ITGA9: variants seen among roughly 807,000 people sequenced by gnomAD.
ITGA9 encodes the protein integrin subunit alpha 9, also known as integrin alpha-9.
Under a neutral mutation model 127.8 loss-of-function variants are expected in ITGA9, and 56 were observed. The observed-to-expected ratio is 0.44, with a 90% CI of 0.35 to 0.55. The LOEUF is 0.55. ITGA9 is among the 20% of genes least tolerant of loss of function. The pLI, the probability that ITGA9 is intolerant of heterozygous loss-of-function variation, is 0.00. For synonymous variants in ITGA9, 508 were observed against 514.5 expected (o/e 0.99, Z 0.17); for missense variants, 1,196 against 1,347.1 (o/e 0.89, Z 1.76).
chr3:37,549,028 C>T (rs1699354524), intron 15 of ITGA9, among the ~76,000 whole-genome samples: 1 of 152,236 alleles, frequency 6.6e-6, no homozygotes, highest in South Asian at 2.1e-4. Flanking sequence ...ATATGCTCTG[C>T]TCACACAGAT....
chr3:37,616,981 A>G (rs1419113278), intron 15 of ITGA9, among the ~76,000 whole-genome samples: 2 of 152,176 alleles, frequency 1.3e-5, no homozygotes, highest in Non-Finnish European at 2.9e-5. Context: ...TAATATTGTT[A>G]TGTGTGAATT....
At chr3:37,598,005 A>T (rs1301389083) in intron 15 of ITGA9, among the ~76,000 whole-genome samples, 2 of 152,234 alleles carry the variant, frequency 1.3e-5, no homozygotes, top group Non-Finnish European at 2.9e-5. Context: ...ACAGAGGCAG[A>T]TGTAGATTTG....
chr3:37,705,608 G>T (rs1203272957), intron 18 of ITGA9, among the ~76,000 whole-genome samples: 3 of 152,186 alleles, frequency 2.0e-5, no homozygotes, highest in Non-Finnish European at 2.9e-5. Context: ...TCAGCTCGGG[G>T]TTACCACGTG....
At chr3:37,649,078 T>C (rs1575179991) in intron 16 of ITGA9, among the ~76,000 whole-genome samples, 1 of 125,706 alleles carries the variant, frequency 8.0e-6, no homozygotes. Context: ...ATGGAAGTTA[T>C]ATATATAAAA....
intron 20 of ITGA9, among the ~76,000 whole-genome samples, chr3:37,738,945 C>T (rs763054796): frequency 6.6e-6 from 1 of 152,208 alleles, no homozygotes; most frequent in Non-Finnish European, 1.5e-5. Context: ...ATATTAGAAT[C>T]GCCTGGGGAG....
intron 15 of ITGA9, among the ~76,000 whole-genome samples, chr3:37,571,215 G>T (rs538625279): frequency 6.8e-6 from 1 of 146,288 alleles, no homozygotes; most frequent in South Asian, 2.2e-4. Context: ...TGGAGGCAGC[G>T]TATCACACAC....
chr3:37,709,320 C>G (rs765581030), intron 18 of ITGA9, among the ~76,000 whole-genome samples: 18 of 152,110 alleles, frequency 1.2e-4, no homozygotes, highest in South Asian at 2.1e-4. Flanking sequence ...TTTTTCTCTC[C>G]CAGCAAAGTA....
At chr3:37,610,285 C>T (rs1348684678) in intron 15 of ITGA9, among the ~76,000 whole-genome samples, 1 of 152,010 alleles carries the variant, frequency 6.6e-6, no homozygotes, top group African/African-American at 2.4e-5. Context: ...TTATTTTTTT[C>T]ATTCTCTAAA....
At chr3:37,505,547 C>T (rs562605092) in intron 6 of ITGA9, among the ~76,000 whole-genome samples, 1 of 152,070 alleles carries the variant, frequency 6.6e-6, no homozygotes, top group African/African-American at 2.4e-5. Context: ...ATAGTGGCTA[C>T]CTGTGTGGGG....
chr3:37,503,078 G>T, intron 5 of ITGA9, 100 bp from the exon 6 acceptor site: 1 of 1,402,880 alleles, frequency 7.1e-7, no homozygotes, highest in East Asian at 2.3e-5. Context: ...AGTTCTTGGT[G>T]TGAGGAATTT....
chr3:37,721,219 C>T (rs1701187289), intron 18 of ITGA9, among the ~76,000 whole-genome samples: 1 of 149,006 alleles, frequency 6.7e-6, no homozygotes, highest in African/African-American at 2.5e-5. Context: ...ATTCCTGGGC[C>T]TGTGATCTTC....
chr3:37,517,706 G>T (rs1699000683), intron 10 of ITGA9, 97 bp downstream of exon 10: 1 of 882,896 alleles, frequency 1.1e-6, no homozygotes, highest in Admixed American at 2.0e-5. Flanking sequence ...ATCTCTAGTG[G>T]CATGCTCCTG....
chr3:37,776,086 A>G (rs531371397), intron 23 of ITGA9, among the ~76,000 whole-genome samples: 8 of 152,342 alleles, frequency 5.3e-5, no homozygotes, highest in Non-Finnish European at 1.0e-4. Context: ...CAGGAACAGA[A>G]AACCAAATAT....
intron 23 of ITGA9, among the ~76,000 whole-genome samples, chr3:37,772,107 G>T (rs1420389304): frequency 6.6e-6 from 1 of 152,100 alleles, no homozygotes; most frequent in African/African-American, 2.4e-5. Context: ...GCCTCCATCT[G>T]TAAAATGGGG....
At chr3:37,618,711 C>T (rs533188674) in intron 15 of ITGA9, among the ~76,000 whole-genome samples, 1 of 152,372 alleles carries the variant, frequency 6.6e-6, no homozygotes, top group East Asian at 1.9e-4. Context: ...TGATCTCAGA[C>T]TGCTGTGCTA....
At chr3:37,731,784 T>C (rs1340564781) in intron 18 of ITGA9, among the ~76,000 whole-genome samples, 1 of 152,220 alleles carries the variant, frequency 6.6e-6, no homozygotes, top group Non-Finnish European at 1.5e-5. Context: ...GTTCATAATA[T>C]ATTAGAATAA....
At chr3:37,794,206 A>G (rs1055375558) in intron 26 of ITGA9, among the ~76,000 whole-genome samples, 1 of 152,182 alleles carries the variant, frequency 6.6e-6, no homozygotes, top group Admixed American at 6.5e-5. Context: ...CTTCTTTGGA[A>G]CAGAGGCTCC....
chr3:37,524,764 C>G (rs1011728463), intron 12 of ITGA9, among the ~76,000 whole-genome samples: 1 of 152,150 alleles, frequency 6.6e-6, no homozygotes, highest in African/African-American at 2.4e-5. Context: ...CTGCAGTGCA[C>G]GGGGATCCAT....
intron 1 of ITGA9, among the ~76,000 whole-genome samples, chr3:37,459,209 G>A (rs1698291589): frequency 6.6e-6 from 1 of 152,202 alleles, no homozygotes; most frequent in African/African-American, 2.4e-5. Flanking sequence ...TATCTACATT[G>A]GTACTCATAC....
Sources: gnomAD v4.1 joint callset for allele counts (sites outside exome capture counted in the v4.1 genomes callset) on GRCh38, gnomAD v4.1.1 for gene constraint, MANE v1.5 for transcripts, NCBI Gene and HGNC (gene_info 2026-07-23, HGNC 2026-07-21) for gene names.